The following CLIP2 variants were observed in gnomAD, a reference collection of about 807,000 sequenced individuals.
CLIP2 encodes the protein CAP-Gly domain containing linker protein 2.
Under a neutral mutation model 111.7 loss-of-function variants are expected in CLIP2, and 41 were observed. That is an observed-to-expected ratio of 0.37 (90% CI 0.29 to 0.48). CLIP2 has a LOEUF of 0.48. Ranked by LOEUF, CLIP2 falls within the 20% of genes least tolerant of loss-of-function variation. CLIP2 has a pLI of 0.99. For synonymous variants in CLIP2, 660 were observed against 644.2 expected (o/e 1.02, Z -0.37); for missense variants, 1,160 against 1,422.1 (o/e 0.82, Z 2.96).
chr7:74,322,779 C>T (rs1218344324), intron 2 of CLIP2, among the ~76,000 whole-genome samples: 1 of 152,060 alleles, frequency 6.6e-6, no homozygotes, highest in Non-Finnish European at 1.5e-5. Context: ...TCACCAGGCT[C>T]AAGTGCAGTG....
At chr7:74,340,839 A>G (rs868987939) in intron 3 of CLIP2, among the ~76,000 whole-genome samples, 3 of 152,122 alleles carry the variant, frequency 2.0e-5, no homozygotes, top group Middle Eastern at 3.4e-3. Context: ...TCCTGTCTGC[A>G]AGGCTTCCTG....
intron 7 of CLIP2, among the ~76,000 whole-genome samples, 175 bp from the exon 8 acceptor site, chr7:74,364,080 G>A (rs77692835): frequency 6.6e-6 from 1 of 152,326 alleles, no homozygotes; most frequent in Non-Finnish European, 1.5e-5. Flanking sequence ...TTCCTAGAGT[G>A]CAGGTCAGCA....
chr7:74,342,478 C>G (rs1043914063), intron 3 of CLIP2, among the ~76,000 whole-genome samples: 1 of 152,142 alleles, frequency 6.6e-6, no homozygotes, highest in African/African-American at 2.4e-5. Flanking sequence ...CCTGGGTGAC[C>G]CCACAGGGCC....
intron 13 of CLIP2, among the ~76,000 whole-genome samples, chr7:74,396,547 G>A (rs1791452767): frequency 6.6e-6 from 1 of 152,066 alleles, no homozygotes; most frequent in African/African-American, 2.4e-5. Flanking sequence ...CTTTGAGACA[G>A]CCTTGCTCTG....
At chr7:74,383,203 T>A (rs1239189704) in intron 11 of CLIP2, among the ~76,000 whole-genome samples, 1 of 152,148 alleles carries the variant, frequency 6.6e-6, no homozygotes, top group Non-Finnish European at 1.5e-5. Flanking sequence ...GAATTCATCC[T>A]TATATAAGTG....
At chr7:74,358,083 ACT>A (rs1554308923) in intron 6 of CLIP2, among the ~76,000 whole-genome samples, 1 of 130,002 alleles carries the variant, frequency 7.7e-6, no homozygotes, top group African/African-American at 3.0e-5. Context: ...ACAGAGTCTC[ACT>A]CTGTTCCCCA....
intron 2 of CLIP2, among the ~76,000 whole-genome samples, chr7:74,333,521 G>T: frequency 6.6e-6 from 1 of 151,770 alleles, no homozygotes; most frequent in African/African-American, 2.4e-5. Flanking sequence ...TCGCTCTGTC[G>T]CCCAGGCTGG....
At chr7:74,370,026 T>C (rs189438758) in intron 8 of CLIP2, among the ~76,000 whole-genome samples, 1,290 of 74,606 alleles carry the variant, frequency 0.017, 64 homozygotes, top group African/African-American at 0.047. Flanking sequence ...GGCATAGTGG[T>C]GCTTGCCTGT....
intron 1 of CLIP2, among the ~76,000 whole-genome samples, chr7:74,302,694 T>C (rs1391589789): frequency 1.3e-5 from 2 of 152,222 alleles, no homozygotes; most frequent in African/African-American, 2.4e-5. Flanking sequence ...AGCCCTGCAC[T>C]GTGTAAACCT....
chr7:74,383,303 C>T (rs959571217), intron 11 of CLIP2, among the ~76,000 whole-genome samples: 36 of 152,040 alleles, frequency 2.4e-4, no homozygotes, highest in African/African-American at 8.0e-4. Flanking sequence ...TCCCCCCAAC[C>T]CTCATTGATT....
Position 74,360,206 on chromosome 7 carries a change from G to T in CLIP2, c.1247G>T (p.Arg416Leu). Residue 416 changes from arginine to leucine, a missense_variant, in exon 7 of 17, where the codon CGA becomes CTA. Physicochemically the swap from Arg to Leu is moderately radical, Grantham distance 102. Around this residue, in one of 5 missense-constraint regions of CLIP2, gnomAD observed 70 missense variants for 114.9 expected, o/e 0.61. Coordinates refer to ENST00000223398, the MANE Select transcript of CLIP2 (RefSeq NM_003388.5). ...GCAGAAGCCGAGGAGAAGCTGCAGC[G>T]AGCCCGGCTGCTCGTGGAGAGCGTG... ...YVAEAEEKLQRARLLVESVRK... is the reference protein window; with the variant it reads ...YVAEAEEKLQLARLLVESVRK... 1 of 1,607,662 alleles carries T rather than the reference G, an allele frequency of 6.2e-7. No individual in the cohort carries two copies. The highest frequency in any genetic ancestry group is 8.5e-7 in the Non-Finnish European group (1 of 1,177,286).
At chr7:74,359,546 G>A (rs1449815756) in intron 6 of CLIP2, among the ~76,000 whole-genome samples, 4 of 151,852 alleles carry the variant, frequency 2.6e-5, no homozygotes, top group East Asian at 1.9e-4. Context: ...TAGTAGAGAT[G>A]GGGTTTCACC....
At chr7:74,371,263 A>AC in intron 8 of CLIP2, among the ~76,000 whole-genome samples, 1 of 151,604 alleles carries the variant, frequency 6.6e-6, no homozygotes, top group East Asian at 1.9e-4. Context: ...AAAAAAAAAA[A>AC]AAAGGTTGAG....
At position 74,372,959 on chromosome 7, in the gene CLIP2, A is replaced by G; in HGVS notation, c.1408A>G (p.Ile470Val). Reference protein sequence around the residue: ...ETQTQLEHARIGELEQSLLLE... With the variant: ...ETQTQLEHARVGELEQSLLLE... ...CCAGACGCAGCTGGAGCACGCGCGCATTGGGGAGCTGGAACAGAGCCTGCT... is the reference window on the plus strand; with the variant it reads ...CCAGACGCAGCTGGAGCACGCGCGCGTTGGGGAGCTGGAACAGAGCCTGCT... Residue 470 changes from isoleucine (I) to valine (V), a missense_variant, in exon 9 of 17, where the codon ATT (isoleucine) becomes GTT (valine). Coordinates refer to ENST00000223398, the MANE Select transcript of CLIP2 (RefSeq NM_003388.5). 7.4e-7 allele frequency: 1 copy of G among 1,357,922 alleles called. No individual in the cohort carries two copies. Among genetic ancestry groups the G allele is most frequent in the Non-Finnish European group, 9.7e-7 (1 of 1,032,564 alleles). 84.1% of individuals were successfully genotyped at this position (1,357,922 alleles called of 1,614,324 possible).
intron 1 of CLIP2, among the ~76,000 whole-genome samples, chr7:74,304,937 C>G (rs1196098077): frequency 1.3e-5 from 2 of 151,816 alleles, no homozygotes; most frequent in African/African-American, 4.8e-5. Flanking sequence ...AGAGGGAGAC[C>G]CTGTCTCCAA....
chr7:74,343,587 G>T (rs1789720127), intron 3 of CLIP2, among the ~76,000 whole-genome samples: 1 of 152,018 alleles, frequency 6.6e-6, no homozygotes, highest in African/African-American at 2.4e-5. Flanking sequence ...TGCTTTTATG[G>T]AGAGCATTAA....
Position 74,404,654 on chromosome 7 carries a change from G to T in CLIP2, c.*806G>T, listed in dbSNP as rs1184125267. The T allele has an allele frequency of 6.6e-6, 1 of 152,606 alleles. No homozygotes were observed. The highest frequency in any genetic ancestry group is 1.5e-5 in the Non-Finnish European group (1 of 68,104). The allele number at this position is 152,606 out of a possible 1,614,324, so 9.5% of individuals were successfully genotyped here. A position where few individuals can be genotyped will look rare whatever the true frequency, so the allele number is the denominator to read the frequency against. On this transcript the variant is annotated 3_prime_UTR_variant, in exon 17 of 17. Transcript: ENST00000223398. ...AAACCCTGGCTCGGAGCCCAGGGCA[G>T]AGGCAGCTCAGAGTGGAGGCTCTAG...
At position 74,299,023 on chromosome 7, in the gene CLIP2, C is replaced by T. The variant is rs141564109; in HGVS notation, c.-68+9289C>T. Among the ~76,000 whole-genome samples the T allele has an allele frequency of 3.3e-3, 497 of 151,430 alleles. 3 individuals are homozygous for T. Among genetic ancestry groups the T allele is most frequent in the South Asian group, 0.014 (66 of 4,710 alleles). On this transcript the variant is annotated intron_variant, in intron 1 of 16. Coordinates refer to ENST00000223398, the MANE Select transcript of CLIP2 (RefSeq NM_003388.5). Reference sequence around the variant, plus strand: ...TAACATGCAGTTCCCTTTCTGGAAGCAACAAAAGAAAAAACACTGATGTTG... The same window carrying T: ...TAACATGCAGTTCCCTTTCTGGAAGTAACAAAAGAAAAAACACTGATGTTG...
intron 13 of CLIP2, among the ~76,000 whole-genome samples, chr7:74,393,098 C>T (rs1184264057): frequency 4.7e-5 from 7 of 149,364 alleles, no homozygotes; most frequent in African/African-American, 9.9e-5. Flanking sequence ...TACAGTGGCG[C>T]GATCTCAGGT....
Sources: allele counts gnomAD v4.1 joint callset (sites outside exome capture counted in the v4.1 genomes callset), GRCh38; gene constraint gnomAD v4.1.1; regional missense constraint gnomAD v4.1.1; transcripts MANE v1.5; gene names NCBI Gene and HGNC (gene_info 2026-07-23, HGNC 2026-07-21).